Variants in CALM3 observed in about 807,000 individuals in gnomAD.
CALM3 encodes calmodulin 3, also known as calmodulin-3.
CALM3 carries 5 observed loss-of-function variants against 20.1 expected under a neutral mutation model. The ratio of observed to expected loss-of-function variants is 0.25; its 90% confidence interval spans 0.13 to 0.52. The LOEUF is 0.52. Ranked by LOEUF, CALM3 falls within the 20% of genes least tolerant of loss-of-function variation. CALM3 has a pLI of 0.96. For synonymous variants in CALM3, 69 were observed against 68.1 expected (o/e 1.01, Z -0.06); for missense variants, 57 against 192.8 (o/e 0.30, Z 4.17).
chr19:46,608,625 C>A lies in CALM3; in HGVS notation c.285+37C>A. On this transcript the variant is annotated intron_variant, in intron 4 of 5. Coordinates refer to ENST00000291295, the MANE Select transcript of CALM3 (RefSeq NM_005184.4). This position sits in a 1 kb window ranked among gnomAD's most constrained non-coding sequence, Gnocchi z 5.5. ...TCTCCAGGGGCGGCTCTGAGACTGA[C>A]GCCAGCCTTCAGGCAGACAGGCGGA... 6.5e-7 allele frequency: 1 copy of A among 1,530,172 alleles called. No individual in the cohort carries two copies. The highest frequency in any genetic ancestry group is 9.1e-7 in the Non-Finnish European group (1 of 1,104,944). 94.8% of individuals were successfully genotyped at this position (1,530,172 alleles called of 1,614,324 possible).
Position 46,601,500 on chromosome 19 carries a change from C to A in CALM3, c.3+63C>A. 7.3e-7 allele frequency: 1 copy of A among 1,370,582 alleles called. No homozygotes were observed. The highest frequency in any genetic ancestry group is 9.5e-7 in the Non-Finnish European group (1 of 1,052,596). The allele number at this position is 1,370,582 out of a possible 1,614,324, so 84.9% of individuals were successfully genotyped here. A position where few individuals can be genotyped will look rare whatever the true frequency, so the allele number is the denominator to read the frequency against. ...TGAGGCGGGCTTAACGGGGCAGGAC[C>A]CCTGAGGGGGCGACAGAGCCCAGAG... is the stretch of plus-strand genomic sequence containing the variant. On this transcript the variant is annotated intron_variant, in intron 1 of 5. Coordinates refer to ENST00000291295, the MANE Select transcript of CALM3 (RefSeq NM_005184.4). The surrounding 1 kb of genome is among the most constrained non-coding windows in gnomAD (Gnocchi z 4.2).
rs1180337601 is a variant in CALM3, at chr19:46,610,756, T to A, written c.*1603T>A. On this transcript the variant is annotated 3_prime_UTR_variant, in exon 6 of 6. Transcript: ENST00000291295. ...GTGAAGAAAAATATATATCAATGTT[T>A]TCCAATAAAATACAGTGACTACCTG... 1.3e-5 allele frequency: 2 copies of A among 152,552 alleles called. No homozygotes were observed. Among genetic ancestry groups the A allele is most frequent in the African/African-American group, 4.8e-5 (2 of 41,406 alleles). 9.4% of individuals were successfully genotyped at this position (152,552 alleles called of 1,614,324 possible).
chr19:46,609,540 C>G lies in CALM3; in HGVS notation c.*387C>G, dbSNP rs1971826212. On this transcript the variant is annotated 3_prime_UTR_variant, in exon 6 of 6. Transcript: ENST00000291295. ...TTATTTTGGGTGCTGGGGTGGCTGC[C>G]AGCCCTGTCCCGGGACCTGCTGGGA... 4.0e-6 allele frequency: 1 copy of G among 251,356 alleles called. No individual in the cohort carries two copies. The highest frequency in any genetic ancestry group is 7.7e-6 in the Non-Finnish European group (1 of 129,072). 15.6% of individuals were successfully genotyped at this position (251,356 alleles called of 1,614,324 possible). A position where few individuals can be genotyped will look rare whatever the true frequency, so the allele number is the denominator to read the frequency against.
intron 1 of CALM3, among the ~76,000 whole-genome samples, chr19:46,604,547 GTT>G (rs34621966): frequency 1.5e-5 from 2 of 133,846 alleles, no homozygotes; most frequent in East Asian, 2.2e-4. Flanking sequence ...CTTCCGTTAG[GTT>G]TTTTTTTTTT....
At chr19:46,601,105 C>G, upstream of CALM3, 1 of 897,054 alleles carries the variant, frequency 1.1e-6, no homozygotes, top group Non-Finnish European at 1.6e-6. The surrounding 1 kb of genome is among the most constrained non-coding windows in gnomAD (Gnocchi z 4.2). Flanking sequence ...GCGACGGGAG[C>G]GAGCGCGCGC....
chr19:46,602,870 CAG>C (rs1353222416), intron 1 of CALM3, among the ~76,000 whole-genome samples: 2 of 152,184 alleles, frequency 1.3e-5, no homozygotes, highest in Non-Finnish European at 2.9e-5. Context: ...TGCCAAATGA[CAG>C]TGCAGTACAG....
At chr19:46,601,278 T>A (rs150954567), upstream of CALM3, 102,310 of 544,608 alleles carry the variant, frequency 0.19, 11,146 homozygotes, top group East Asian at 0.35. This position sits in a 1 kb window ranked among gnomAD's most constrained non-coding sequence, Gnocchi z 4.2. Flanking sequence ...CGGCGGCCGT[T>A]GAGGGACCGT....
chr19:46,602,126 T>A, intron 1 of CALM3: 1 of 1,318,566 alleles, frequency 7.6e-7, no homozygotes, highest in Non-Finnish European at 1.0e-6. Flanking sequence ...GAGCCTGGGG[T>A]GGGTGGCAGC....
At chr19:46,603,721 C>T (rs1299522076) in intron 1 of CALM3, among the ~76,000 whole-genome samples, 2 of 152,186 alleles carry the variant, frequency 1.3e-5, no homozygotes, top group East Asian at 3.8e-4. Context: ...GGGCGGCAAC[C>T]TTGCTTGAGA....
At chr19:46,607,375 C>T (rs920829140) in intron 2 of CALM3, among the ~76,000 whole-genome samples, 1 of 152,234 alleles carries the variant, frequency 6.6e-6, no homozygotes, top group African/African-American at 2.4e-5. Flanking sequence ...AGCCCACACC[C>T]TCTGGGAATA....
At position 46,609,212 on chromosome 19, in the gene CALM3, ACT is replaced by A. The variant is rs758987936; in HGVS notation, c.*66_*67del. 112 of 1,544,852 alleles carry A rather than the reference ACT, an allele frequency of 7.2e-5. No individual in the cohort carries two copies. The highest frequency in any genetic ancestry group is 6.7e-4 in the Middle Eastern group (4 of 5,962). On this transcript the variant is annotated 3_prime_UTR_variant, in exon 6 of 6. Transcript: ENST00000291295. ...TTGATCTCTCTCTTCTCGCGCGCGC[ACT>A]CTCTCTTCAACACTCCCCTGCGTAC...
Position 46,608,457 on chromosome 19 carries a change from T to C in CALM3, c.179-25T>C. Reference sequence around the variant, plus strand: ...CTCTCAGGGCCCAGGCCAAGAGCATTCTCCATCCTTTCCCCACCTTCCAGG... The same window carrying C: ...CTCTCAGGGCCCAGGCCAAGAGCATCCTCCATCCTTTCCCCACCTTCCAGG... On this transcript the variant is annotated intron_variant, in intron 3 of 5. Coordinates refer to ENST00000291295, the MANE Select transcript of CALM3 (RefSeq NM_005184.4). The surrounding 1 kb of genome is among the most constrained non-coding windows in gnomAD (Gnocchi z 5.5). 6.2e-7 allele frequency: 1 copy of C among 1,611,284 alleles called. No individual in the cohort carries two copies.
In CALM3 at chr19:46,608,780, C is replaced by T; in HGVS notation, c.286-66C>T. The T allele has an allele frequency of 2.7e-6, 4 of 1,491,490 alleles. No homozygotes were observed. The South Asian group carries it at 4.0e-5, about 15-fold the overall frequency. 92.4% of individuals were successfully genotyped at this position (1,491,490 alleles called of 1,614,324 possible). A position where few individuals can be genotyped will look rare whatever the true frequency, so the allele number is the denominator to read the frequency against. ...GCTGAGGGATGGTGATGACAGCCAC[C>T]CCTCTCACTGCCTCTCTCCCCACCG... On this transcript the variant is annotated intron_variant, in intron 4 of 5. Transcript: ENST00000291295. This position sits in a 1 kb window ranked among gnomAD's most constrained non-coding sequence, Gnocchi z 5.5.
At chr19:46,606,895 C>G (rs1049042632) in intron 2 of CALM3, among the ~76,000 whole-genome samples, 1 of 152,178 alleles carries the variant, frequency 6.6e-6, no homozygotes, top group Non-Finnish European at 1.5e-5. Context: ...CCACCAGCTA[C>G]CCAGCCCCCA....
rs762728482 is a variant in CALM3, at chr19:46,608,621, C to G, written c.285+33C>G. The G allele has an allele frequency of 4.6e-6, 7 of 1,538,304 alleles. No individual in the cohort carries two copies. The highest frequency in any genetic ancestry group is 6.3e-6 in the Non-Finnish European group (7 of 1,112,066). ...GCCCTCTCCAGGGGCGGCTCTGAGA[C>G]TGACGCCAGCCTTCAGGCAGACAGG... On this transcript the variant is annotated intron_variant, in intron 4 of 5. Transcript: ENST00000291295. The surrounding 1 kb of genome is among the most constrained non-coding windows in gnomAD (Gnocchi z 5.5).
rs115945942 is a variant in CALM3, at chr19:46,601,964, C to T, written c.3+527C>T. On this transcript the variant is annotated intron_variant, in intron 1 of 5. Transcript: ENST00000291295. The surrounding 1 kb of genome is among the most constrained non-coding windows in gnomAD (Gnocchi z 4.2). ...GGGCCCGGGCGGGGAGGGGCGACCC[C>T]TGGGCTCCTGTGGAGCAGAGGAGAG... The T allele has an allele frequency of 5.7e-3, 3,291 of 580,128 alleles. 74 individuals carry two copies. In the African/African-American group the frequency reaches 0.063, roughly 11 times the overall value. 35.9% of individuals were successfully genotyped at this position (580,128 alleles called of 1,614,324 possible).
rs1361803611 is a variant in CALM3 at position 46,609,995 on chromosome 19, T to C, written c.*842T>C. 6.5e-6 allele frequency: 1 copy of C among 152,736 alleles called. No individual in the cohort carries two copies. Among genetic ancestry groups the C allele is most frequent in the East Asian group, 1.9e-4 (1 of 5,186 alleles). 9.5% of individuals were successfully genotyped at this position (152,736 alleles called of 1,614,324 possible). ...CACCCACCGCCCTGAGGGCCCGTCC[T>C]AGGAATGGATGTGGGGATGGTCGCT... is the stretch of plus-strand genomic sequence containing the variant. On this transcript the variant is annotated 3_prime_UTR_variant, in exon 6 of 6. Transcript: ENST00000291295.
At position 46,609,207 on chromosome 19, in the gene CALM3, C is replaced by T. The variant is rs143416579; in HGVS notation, c.*54C>T. ...TTCTCTTGATCTCTCTCTTCTCGCGCGCGCACTCTCTCTTCAACACTCCCC... is the reference window on the plus strand; with the variant it reads ...TTCTCTTGATCTCTCTCTTCTCGCGTGCGCACTCTCTCTTCAACACTCCCC... On this transcript the variant is annotated 3_prime_UTR_variant, in exon 6 of 6. Transcript: ENST00000291295. The T allele has an allele frequency of 5.8e-5, 91 of 1,563,900 alleles. No homozygotes were observed. The highest frequency in any genetic ancestry group is 4.3e-4 in the African/African-American group (32 of 73,892).
At chr19:46,607,489 C>T (rs185160023) in intron 2 of CALM3, among the ~76,000 whole-genome samples, 311 of 152,330 alleles carry the variant, frequency 2.0e-3, no homozygotes, top group African/African-American at 7.1e-3. Context: ...CTCCCTGCCC[C>T]TGATGCGGCC....
Sources: allele counts gnomAD v4.1 joint callset (sites outside exome capture counted in the v4.1 genomes callset), GRCh38; gene constraint gnomAD v4.1.1; non-coding constraint Gnocchi (gnomAD v3.1); transcripts MANE v1.5; gene names NCBI Gene and HGNC (gene_info 2026-07-23, HGNC 2026-07-21).